The following ICE1 variants were observed in gnomAD, a reference collection of about 807,000 sequenced individuals.
ICE1 encodes little elongation complex subunit 1.
ICE1 carries 64 observed loss-of-function variants against 192.7 expected under a neutral mutation model. The observed-to-expected ratio is 0.33, with a 90% CI of 0.27 to 0.41. The LOEUF is 0.41. ICE1 is among the 10% of genes least tolerant of loss of function. ICE1 has a pLI of 1.00. For synonymous variants in ICE1, 1,010 were observed against 984.5 expected (o/e 1.03, Z -0.49); for missense variants, 2,708 against 2,696.0 (o/e 1.00, Z -0.10).
intron 11 of ICE1, among the ~76,000 whole-genome samples, chr5:5,455,160 C>A (rs936662883): frequency 5.3e-5 from 8 of 152,130 alleles, no homozygotes; most frequent in Admixed American, 2.0e-4. Flanking sequence ...TTACTAATTT[C>A]TTTTGATTAG....
At chr5:5,473,895 G>A in intron 16 of ICE1, 147 bp downstream of exon 16, 1 of 622,790 alleles carries the variant, frequency 1.6e-6, no homozygotes, top group Non-Finnish European at 2.6e-6. Context: ...TTTTATAAGA[G>A]TTAATAAAAC....
intron 2 of ICE1, among the ~76,000 whole-genome samples, chr5:5,436,784 A>G (rs1579541955): frequency 6.6e-6 from 1 of 152,116 alleles, no homozygotes; most frequent in Non-Finnish European, 1.5e-5. Context: ...ACCTCCTAAC[A>G]GTATTTTATA....
At chr5:5,423,037 C>A in intron 1 of ICE1, 38 bp downstream of exon 1, 3 of 1,294,582 alleles carry the variant, frequency 2.3e-6, no homozygotes, top group Non-Finnish European at 3.0e-6. Flanking sequence ...CGGGGGGGGA[C>A]TCGGCTCGGC....
At chr5:5,433,820 A>G (rs963294540) in intron 1 of ICE1, among the ~76,000 whole-genome samples, 2 of 152,138 alleles carry the variant, frequency 1.3e-5, no homozygotes, top group Non-Finnish European at 2.9e-5. Flanking sequence ...GCAAAGTCTT[A>G]TTCATGCATG....
At chr5:5,468,103 A>G (rs1346815866) in intron 14 of ICE1, among the ~76,000 whole-genome samples, 3 of 152,252 alleles carry the variant, frequency 2.0e-5, no homozygotes, top group African/African-American at 7.2e-5. Flanking sequence ...AATGCATGCA[A>G]CAACACGGAT....
At chr5:5,448,146 T>C (rs145108678) in intron 10 of ICE1, among the ~76,000 whole-genome samples, 22 of 152,210 alleles carry the variant, frequency 1.4e-4, no homozygotes, top group African/African-American at 5.3e-4. Flanking sequence ...GTTGGAGATA[T>C]AACATCTGCT....
intron 12 of ICE1, among the ~76,000 whole-genome samples, chr5:5,458,400 G>T (rs1205084850): frequency 6.6e-6 from 1 of 152,214 alleles, no homozygotes; most frequent in Non-Finnish European, 1.5e-5. Context: ...TTGTGTGGAG[G>T]TGGGAGCAGT....
At chr5:5,486,592 T>C (rs1000809413) in intron 17 of ICE1, 129 bp from the exon 18 acceptor site, 9 of 641,524 alleles carry the variant, frequency 1.4e-5, no homozygotes, top group African/African-American at 3.7e-5. Flanking sequence ...TCATCTGGTA[T>C]AGGTGATTGC....
At chr5:5,436,342 GATAA>G (rs1737871683) in intron 1 of ICE1, 72 bp from the exon 2 acceptor site, 32 of 861,518 alleles carry the variant, frequency 3.7e-5, no homozygotes, top group Middle Eastern at 3.4e-4. Context: ...TCTTAGATAT[GATAA>G]ATAATGTTAC....
chr5:5,431,146 C>G (rs1208006457), intron 1 of ICE1, among the ~76,000 whole-genome samples: 1 of 152,044 alleles, frequency 6.6e-6, no homozygotes, highest in African/African-American at 2.4e-5. Context: ...TTCGGGGTCT[C>G]TGCCTAAGTA....
intron 10 of ICE1, 60 bp downstream of exon 10, chr5:5,447,957 T>C: frequency 1.5e-6 from 2 of 1,309,622 alleles, no homozygotes; most frequent in South Asian, 1.3e-5. Flanking sequence ...GTTGTGAGAC[T>C]GTGTTTTGCT....
chr5:5,483,173 T>TA (rs1271446541), intron 17 of ICE1, among the ~76,000 whole-genome samples: 5 of 152,024 alleles, frequency 3.3e-5, no homozygotes, highest in African/African-American at 1.2e-4. Flanking sequence ...TGTTGTTTTT[T>TA]TTAGTAGAGA....
At position 5,465,219 on chromosome 5, in the gene ICE1, C is replaced by A. The variant is rs762092868; in HGVS notation, c.5885C>A (p.Thr1962Lys). Residue 1962 changes from threonine to lysine, a missense_variant, in exon 13 of 19, where the codon ACA becomes AAA. Coordinates refer to ENST00000296564, the MANE Select transcript of ICE1 (RefSeq NM_015325.3). ...GAAGTTGTTTATGAATTTAGCACAA[C>A]AAAAAAGGTATGTGGCTGCTCTTTT... ...EKEVVYEFST[T>K]KKHLAECLLH... 1.9e-6 allele frequency: 3 copies of A among 1,561,008 alleles called. No individual in the cohort carries two copies. The highest frequency in any genetic ancestry group is 3.9e-5 in the Admixed American group (2 of 50,966).
chr5:5,464,812 G>A lies in ICE1; in HGVS notation c.5478G>A (p.Gly1826=), dbSNP rs1395122564. 3 of 1,613,588 alleles carry A rather than the reference G, an allele frequency of 1.9e-6. No individual in the cohort carries two copies. The highest frequency in any genetic ancestry group is 2.5e-6 in the Non-Finnish European group (3 of 1,179,784). ...DCNQDKSRDL[G]TQQDSSGKRT... ...ACCAAGACAAGTCAAGAGATTTGGG[G>A]ACTCAGCAGGATTCAAGCGGGAAAA... The change falls in exon 13 of 19, where the codon GGG becomes GGA. Residue 1826 remains glycine (G), a synonymous_variant. Transcript: ENST00000296564. The surrounding 1 kb of genome is among the most constrained non-coding windows in gnomAD (Gnocchi z 4.0).
rs1281220797 is a variant in ICE1, at chr5:5,461,885, G to C, written c.2551G>C (p.Ala851Pro). The change falls in exon 13 of 19, where the codon GCA becomes CCA. Residue 851 changes from alanine (A) to proline (P), a missense_variant. By Grantham distance (27) the Ala-to-Pro change is conservative. Transcript: ENST00000296564. The stretch of plus-strand genomic sequence containing the variant: ...CAATCCTGTAGAATTCAAGACCACT[G>C]CATCGGTGTTGCCTAATCAAGTATC... ...NNNPVEFKTTASVLPNQVSVI... is the reference protein window; with the variant it reads ...NNNPVEFKTTPSVLPNQVSVI... 3 of 1,613,896 alleles carry C rather than the reference G, an allele frequency of 1.9e-6. No homozygotes were observed. The highest frequency in any genetic ancestry group is 2.5e-6 in the Non-Finnish European group (3 of 1,179,886).
At position 5,464,766 on chromosome 5, in the gene ICE1, G is replaced by T. The variant is rs1312930004; in HGVS notation, c.5432G>T (p.Ser1811Ile). Residue 1811 changes from serine (S) to isoleucine (I), a missense_variant, in exon 13 of 19, where the codon AGC becomes ATC. Transcript: ENST00000296564. This position sits in a 1 kb window ranked among gnomAD's most constrained non-coding sequence, Gnocchi z 4.0. Reference sequence around the variant, plus strand: ...GCAACTGCTTTTGTCAAAACTGGGAGCAGCTCTGGTGGTGACTGTAACCAA... The same window carrying T: ...GCAACTGCTTTTGTCAAAACTGGGATCAGCTCTGGTGGTGACTGTAACCAA... ...SAATAFVKTGSSSGGDCNQDK... is the reference protein window; with the variant it reads ...SAATAFVKTGISSGGDCNQDK... 6.2e-7 allele frequency: 1 copy of T among 1,613,780 alleles called. No homozygotes were observed. Among genetic ancestry groups the T allele is most frequent in the Admixed American group, 1.7e-5 (1 of 60,002 alleles).
chr5:5,434,628 TA>T (rs1156933759), intron 1 of ICE1, among the ~76,000 whole-genome samples: 1 of 152,172 alleles, frequency 6.6e-6, no homozygotes, highest in Non-Finnish European at 1.5e-5. Flanking sequence ...ATGCTAGTGG[TA>T]AAAACAAATT....
At position 5,422,870 on chromosome 5, in the gene ICE1, G is replaced by A; in HGVS notation, c.-46G>A. 9 of 1,261,624 alleles carry A rather than the reference G, an allele frequency of 7.1e-6. No homozygotes were observed. The highest frequency in any genetic ancestry group is 9.0e-6 in the Non-Finnish European group (9 of 997,950). 78.2% of individuals were successfully genotyped at this position (1,261,624 alleles called of 1,614,324 possible). On this transcript the variant is annotated 5_prime_UTR_variant, in exon 1 of 19. Transcript: ENST00000296564. ...GCAGAGACAGGACGGGGCCGACGCC[G>A]CGGGCCCCTGAGGCGTGCGTGCCCA...
chr5:5,473,928 C>T (rs532406464), intron 16 of ICE1, among the ~76,000 whole-genome samples, 180 bp downstream of exon 16: 2 of 152,050 alleles, frequency 1.3e-5, no homozygotes, highest in South Asian at 4.1e-4. Flanking sequence ...ACCTTCATCA[C>T]GGCCGGGCAT....
Sources: allele counts gnomAD v4.1 joint callset (sites outside exome capture counted in the v4.1 genomes callset), GRCh38; gene constraint gnomAD v4.1.1; non-coding constraint Gnocchi (gnomAD v3.1); transcripts MANE v1.5; gene names NCBI Gene and HGNC (gene_info 2026-07-23, HGNC 2026-07-21).